The following NEBL variants were observed in gnomAD, a reference collection of about 807,000 sequenced individuals.
The protein encoded by NEBL is nebulette.
Under a neutral mutation model 140.2 loss-of-function variants are expected in NEBL, and 122 were observed. That is an observed-to-expected ratio of 0.87 (90% confidence interval 0.75 to 1.01). The LOEUF is 1.01. NEBL is among the 50% of genes least tolerant of loss of function. The probability of loss-of-function intolerance (pLI) is 0.00; values close to 1 mark genes in which losing one functional copy is unlikely to be tolerated. For synonymous variants in NEBL, 436 were observed against 398.9 expected (o/e 1.09, Z -1.11); for missense variants, 1,365 against 1,231.3 (o/e 1.11, Z -1.62).
At chr10:21,143,871 A>T in intron 2 of NEBL, among the ~76,000 whole-genome samples, 1 of 152,200 alleles carries the variant, frequency 6.6e-6, no homozygotes, top group South Asian at 2.1e-4. Context: ...GAAAAGAAAA[A>T]AAAAAAGCTT....
intron 26 of NEBL, among the ~76,000 whole-genome samples, chr10:20,789,494 C>T (rs1835732784): frequency 6.6e-6 from 1 of 152,196 alleles, no homozygotes; most frequent in African/African-American, 2.4e-5. Context: ...CAGCTTAGTG[C>T]CTGTTAAGTG....
intron 2 of NEBL, among the ~76,000 whole-genome samples, chr10:21,130,053 A>G (rs1250785153): frequency 6.6e-6 from 1 of 152,070 alleles, no homozygotes; most frequent in Non-Finnish European, 1.5e-5. Context: ...ATGAACGGAG[A>G]AAAAGATATC....
At chr10:20,929,640 A>G (rs1834083910) in intron 4 of NEBL, among the ~76,000 whole-genome samples, 1 of 152,148 alleles carries the variant, frequency 6.6e-6, no homozygotes, top group South Asian at 2.1e-4. Flanking sequence ...TCGTTAAGTG[A>G]AATAACTCAG....
intron 2 of NEBL, among the ~76,000 whole-genome samples, chr10:21,108,834 G>T (rs188278486): frequency 5.5e-4 from 83 of 152,032 alleles, no homozygotes; most frequent in African/African-American, 2.0e-3. Flanking sequence ...TACGAATCTG[G>T]GTGCTCCTGT....
intron 4 of NEBL, among the ~76,000 whole-genome samples, chr10:20,924,769 C>T (rs1454252968): frequency 1.3e-5 from 2 of 152,022 alleles, no homozygotes; most frequent in Non-Finnish European, 2.9e-5. Flanking sequence ...GTAGAGCTTC[C>T]CCCATAGAAA....
chr10:20,827,497 G>A (rs1839989330), intron 17 of NEBL, among the ~76,000 whole-genome samples: 1 of 152,322 alleles, frequency 6.6e-6, no homozygotes, highest in South Asian at 2.1e-4. Flanking sequence ...ATATTTTGAT[G>A]AGATGCTTCC....
At chr10:20,829,775 G>T (rs1223316614) in intron 16 of NEBL, among the ~76,000 whole-genome samples, 2 of 152,004 alleles carry the variant, frequency 1.3e-5, no homozygotes, top group African/African-American at 4.8e-5. Context: ...GACAGCTCAG[G>T]CACCTTCACT....
intron 3 of NEBL, among the ~76,000 whole-genome samples, chr10:21,192,623 T>A (rs1841591146): frequency 6.6e-6 from 1 of 151,320 alleles, no homozygotes; most frequent in Non-Finnish European, 1.5e-5. Flanking sequence ...GGCGGGTGGA[T>A]CACTTGAGTT....
intron 4 of NEBL, among the ~76,000 whole-genome samples, chr10:20,930,844 T>C (rs975819264): frequency 1.8e-4 from 28 of 152,236 alleles, no homozygotes; most frequent in African/African-American, 5.3e-4. Context: ...CCTAGAATGA[T>C]GCTAACTGGA....
intron 2 of NEBL, among the ~76,000 whole-genome samples, chr10:21,158,702 T>C (rs1424643382): frequency 6.6e-6 from 1 of 152,192 alleles, no homozygotes; most frequent in Non-Finnish European, 1.5e-5. Context: ...TCCAATTTCC[T>C]TAATCCAACG....
chr10:21,245,795 A>G (rs1296983571), intron 3 of NEBL, among the ~76,000 whole-genome samples: 2 of 152,330 alleles, frequency 1.3e-5, no homozygotes, highest in East Asian at 3.9e-4. Context: ...TCCTGGGTTC[A>G]CACCATTCTC....
At chr10:20,893,338 A>G in intron 2 of NEBL, among the ~76,000 whole-genome samples, 1 of 152,254 alleles carries the variant, frequency 6.6e-6, no homozygotes, top group Non-Finnish European at 1.5e-5. Context: ...TAAATATGAC[A>G]GAGAGAATAT....
intron 3 of NEBL, among the ~76,000 whole-genome samples, chr10:21,204,898 G>T (rs1225483859): frequency 6.6e-6 from 1 of 152,216 alleles, no homozygotes; most frequent in Admixed American, 6.5e-5. Context: ...GCATTCTGGG[G>T]CAGCAGACGT....
At chr10:20,796,367 GAAAAAAAAAAAAA>G (rs57844177) in intron 26 of NEBL, among the ~76,000 whole-genome samples, 41 of 51,522 alleles carry the variant, frequency 8.0e-4, no homozygotes, top group African/African-American at 2.5e-3. Flanking sequence ...TCTAAAACAA[GAAAAAAAAAAAAA>G]AAAAAAAAAA....
chr10:21,053,225 G>A (rs1048950856), intron 2 of NEBL, among the ~76,000 whole-genome samples: 43 of 152,122 alleles, frequency 2.8e-4, no homozygotes, highest in Non-Finnish European at 4.6e-4. Flanking sequence ...CTACCATCTT[G>A]AGCATATACA....
intron 2 of NEBL, among the ~76,000 whole-genome samples, chr10:21,114,627 C>G (rs978212600): frequency 2.6e-4 from 40 of 151,980 alleles, no homozygotes; most frequent in African/African-American, 9.4e-4. Context: ...AAAATGATTC[C>G]TTTATCATTT....
chr10:21,037,276 T>A (rs1386491673), intron 2 of NEBL, among the ~76,000 whole-genome samples: 31 of 75,026 alleles, frequency 4.1e-4, no homozygotes, highest in African/African-American at 5.2e-4. Flanking sequence ...GTGGAGGGGG[T>A]GGGGAGAGGG....
intron 3 of NEBL, among the ~76,000 whole-genome samples, chr10:21,222,174 G>A (rs187981968): frequency 9.4e-4 from 143 of 152,018 alleles, no homozygotes; most frequent in African/African-American, 3.3e-3. Flanking sequence ...GACTGGGCAC[G>A]GTGGCTCACA....
intron 2 of NEBL, among the ~76,000 whole-genome samples, chr10:21,045,218 TA>T (rs1489394485): frequency 3.3e-4 from 50 of 152,324 alleles, no homozygotes; most frequent in African/African-American, 1.1e-3. Context: ...AATACTAAAG[TA>T]AATTAATAGA....
Sources: allele counts gnomAD v4.1 joint callset (sites outside exome capture counted in the v4.1 genomes callset), GRCh38; gene constraint gnomAD v4.1.1; transcripts MANE v1.5; gene names NCBI Gene and HGNC (gene_info 2026-07-23, HGNC 2026-07-21).